SCN9A: variants seen among roughly 807,000 people sequenced by gnomAD.
SCN9A encodes the protein sodium channel protein type 9 subunit alpha.
SCN9A carries 131 observed loss-of-function variants against 187.0 expected under a neutral mutation model. The ratio of observed to expected loss-of-function variants is 0.70; its 90% confidence interval spans 0.61 to 0.81. The LOEUF (loss-of-function observed/expected upper bound fraction) is 0.81. Among genes scored for constraint, SCN9A ranks in the 30% least tolerant of loss-of-function variants. The pLI, the probability that SCN9A is intolerant of heterozygous loss-of-function variation, is 0.00. For missense variants in SCN9A, 2,252 were observed against 2,396.6 expected, an observed-to-expected ratio of 0.94 and a Z score of 1.26; for synonymous variants, 809 against 808.6, an observed-to-expected ratio of 1.00 and a Z score of -0.01.
chr2:166,356,968 CTTTTA>C (rs1358235269), intron 1 of SCN9A, among the ~76,000 whole-genome samples: 3 of 151,724 alleles, frequency 2.0e-5, no homozygotes, highest in Non-Finnish European at 4.4e-5. Flanking sequence ...CTTTTTGTAA[CTTTTA>C]TTTTAAGTTC....
chr2:166,258,936 C>T (rs1696391637), intron 17 of SCN9A, among the ~76,000 whole-genome samples: 1 of 151,640 alleles, frequency 6.6e-6, no homozygotes, highest in South Asian at 2.1e-4. Flanking sequence ...CTGTTACATT[C>T]TGCATTTTAC....
In SCN9A at chr2:166,199,400, A is replaced by AAGT; in HGVS notation, c.5238_5239insACT (p.Ile1746_Ser1747insThr). The AAGT allele has an allele frequency of 6.2e-7, 1 of 1,614,162 alleles. No individual in the cohort carries two copies. The highest frequency in any genetic ancestry group is 1.1e-5 in the South Asian group (1 of 91,086). Reference sequence around the variant, plus strand: ...TACATGTTCACCACAACCAGGAAGGATATGATGATATAACTAACAAAGTAG... The same window carrying AAGT: ...TACATGTTCACCACAACCAGGAAGGAAGTTATGATGATATAACTAACAAAGTAG... On this transcript the variant is annotated inframe_insertion, in exon 27 of 27. Transcript: ENST00000642356.
intron 1 of SCN9A, among the ~76,000 whole-genome samples, chr2:166,332,759 C>A (rs887114639): frequency 6.6e-6 from 1 of 151,946 alleles, no homozygotes; most frequent in Non-Finnish European, 1.5e-5. Flanking sequence ...ATACACACTG[C>A]TTTTATATCT....
At position 166,321,508 on chromosome 2, in the gene SCN9A, C is replaced by G. The variant is rs949634994; in HGVS notation, c.-50-9702G>C. ...ACTGCGGTCCAGCTTGGATGACAGA[C>G]AGAGACCCTGTCTCAAAAAAAAAAA... is the stretch of plus-strand genomic sequence containing the variant. On this transcript the variant is annotated intron_variant, in intron 1 of 26. Transcript: ENST00000642356. The G allele has an allele frequency of 3.2e-5, 4 of 124,036 alleles. No homozygotes were observed. The South Asian group carries it at 7.8e-4, about 24-fold the overall frequency. The allele number at this position is 124,036 out of a possible 1,614,324, so 7.7% of individuals were successfully genotyped here.
chr2:166,235,318 A>G (rs1046214717), intron 20 of SCN9A, among the ~76,000 whole-genome samples: 2 of 152,158 alleles, frequency 1.3e-5, no homozygotes, highest in Non-Finnish European at 2.9e-5. Flanking sequence ...ATATATGCAT[A>G]TATATTCACA....
intron 18 of SCN9A, among the ~76,000 whole-genome samples, chr2:166,247,157 CAAAAAAAAA>C (rs35833662): frequency 2.4e-5 from 1 of 41,836 alleles, no homozygotes; most frequent in Non-Finnish European, 4.1e-5. Flanking sequence ...CCAAAGCTCT[CAAAAAAAAA>C]AAAAAAAAAA....
At chr2:166,313,704 A>G (rs1699035453) in intron 1 of SCN9A, among the ~76,000 whole-genome samples, 1 of 152,094 alleles carries the variant, frequency 6.6e-6, no homozygotes. Flanking sequence ...TCATGTGTTC[A>G]CTGGAGTAGC....
At chr2:166,362,286 T>A (rs1316801291) in intron 1 of SCN9A, among the ~76,000 whole-genome samples, 2 of 152,000 alleles carry the variant, frequency 1.3e-5, no homozygotes, top group Non-Finnish European at 2.9e-5. Context: ...GTTTCTTATT[T>A]CTCTGCTCTC....
chr2:166,231,881 T>C (rs1261746645), intron 21 of SCN9A, among the ~76,000 whole-genome samples: 1 of 152,094 alleles, frequency 6.6e-6, no homozygotes, highest in Admixed American at 6.6e-5. Context: ...CTAATCTCCG[T>C]GTTAAATTGC....
chr2:166,295,320 TA>T (rs1241643837), intron 7 of SCN9A, among the ~76,000 whole-genome samples: 5 of 152,324 alleles, frequency 3.3e-5, no homozygotes, highest in African/African-American at 1.2e-4. Context: ...TAAGTATGAT[TA>T]AAGGTACGGT....
At position 166,280,447 on chromosome 2, in the gene SCN9A, G is replaced by A. The variant is rs751536693; in HGVS notation, c.2253C>T (p.Thr751=). ...ATAATGTGTTTAAAACTATGCAAAT[G>A]GTAATTGCAAGATCTACAAAAGGAT... ...VMDPFVDLAI[T]ICIVLNTLFM... is the part of the protein sequence containing the mutation. Residue 751 remains threonine (T), a synonymous_variant, in exon 14 of 27, where the codon ACC becomes ACT. Coordinates refer to ENST00000642356, the MANE Select transcript of SCN9A (RefSeq NM_001365536.1). The A allele has an allele frequency of 1.5e-5, 24 of 1,588,406 alleles. No individual in the cohort carries two copies. Among genetic ancestry groups the A allele is most frequent in the Non-Finnish European group, 2.1e-5 (24 of 1,165,084 alleles).
chr2:166,277,582 G>T (rs1697293513), intron 15 of SCN9A: 1 of 411,602 alleles, frequency 2.4e-6, no homozygotes, highest in Non-Finnish European at 4.3e-6. Flanking sequence ...GTTCAGGATT[G>T]CTATAGAAAC....
chr2:166,277,241 C>T lies in SCN9A; in HGVS notation c.2616G>A (p.Val872=), dbSNP rs1574851774. The T allele has an allele frequency of 6.8e-6, 11 of 1,614,078 alleles. No individual in the cohort carries two copies. Among genetic ancestry groups the T allele is most frequent in the Non-Finnish European group, 8.5e-6 (10 of 1,179,970 alleles). ...SVGALGNLTL[V]LAIIVFIFAV... Reference sequence around the variant, plus strand: ...CAAAAATGAAGACGATGATGGCCAACACTAAGGTGAGGTTACCTAGAGCCC... The same window carrying T: ...CAAAAATGAAGACGATGATGGCCAATACTAAGGTGAGGTTACCTAGAGCCC... Residue 872 remains valine, a synonymous_variant, in exon 16 of 27, where the codon GTG becomes GTA. Coordinates refer to ENST00000642356, the MANE Select transcript of SCN9A (RefSeq NM_001365536.1).
intron 1 of SCN9A, among the ~76,000 whole-genome samples, chr2:166,324,517 A>AAT (rs1699318199): frequency 1.3e-5 from 2 of 152,124 alleles, no homozygotes; most frequent in South Asian, 4.2e-4. Context: ...CTGCAGGTAA[A>AAT]ATCTTGACTG....
rs571007860 is a variant in SCN9A at position 166,373,383 on chromosome 2, T to C, written c.-51+2314A>G. Among the ~76,000 whole-genome samples, 16 of 151,370 alleles carry C rather than the reference T, an allele frequency of 1.1e-4. No individual in the cohort carries two copies. The South Asian group carries it at 2.7e-3, about 26-fold the overall frequency. Reference sequence around the variant, plus strand: ...GGAGACAGGATGGTATTGCTTTGTATAGAGAATGAATTGCAGGGGAGAAAA... The same window carrying C: ...GGAGACAGGATGGTATTGCTTTGTACAGAGAATGAATTGCAGGGGAGAAAA... On this transcript the variant is annotated intron_variant, in intron 1 of 26. Coordinates refer to ENST00000642356, the MANE Select transcript of SCN9A (RefSeq NM_001365536.1).
intron 16 of SCN9A, among the ~76,000 whole-genome samples, chr2:166,274,276 C>T (rs1697131490): frequency 6.6e-6 from 1 of 151,970 alleles, no homozygotes; most frequent in African/African-American, 2.4e-5. Context: ...TATCACAAAT[C>T]AAAATAAAGT....
At chr2:166,340,077 C>G (rs929683506) in intron 1 of SCN9A, among the ~76,000 whole-genome samples, 1 of 152,078 alleles carries the variant, frequency 6.6e-6, no homozygotes. Context: ...TACAGTATTA[C>G]AGCTTGAAAA....
chr2:166,204,797 TA>T, intron 24 of SCN9A: 1 of 158,290 alleles, frequency 6.3e-6, no homozygotes, highest in Admixed American at 6.5e-5. Context: ...CTTTTATTGC[TA>T]AGAAAATTTG....
At chr2:166,301,173 A>G (rs1469420302) in intron 7 of SCN9A, 1 of 149,652 alleles carries the variant, frequency 6.7e-6, no homozygotes, top group Non-Finnish European at 1.5e-5. Context: ...AATTCCAGAA[A>G]GCGATGAATT....
Sources: gnomAD v4.1 joint callset for allele counts (sites outside exome capture counted in the v4.1 genomes callset) on GRCh38, gnomAD v4.1.1 for gene constraint, MANE v1.5 for transcripts, NCBI Gene and HGNC (gene_info 2026-07-23, HGNC 2026-07-21) for gene names.